The following SRGAP2C variants were observed in gnomAD, a reference collection of about 807,000 sequenced individuals.
The protein encoded by SRGAP2C is SLIT-ROBO Rho GTPase-activating protein 2C.
Under a neutral mutation model 25.1 loss-of-function variants are expected in SRGAP2C, and 15 were observed. The observed-to-expected ratio is 0.60, with a 90% CI of 0.40 to 0.92. SRGAP2C has a LOEUF of 0.92. SRGAP2C is among the 40% of genes least tolerant of loss of function. SRGAP2C has a pLI of 0.00. For missense variants in SRGAP2C, 144 were observed against 264.4 expected (o/e 0.54, Z 3.16); for synonymous variants, 44 against 96.6 (o/e 0.46, Z 3.19).
chr1:121,297,108 C>T (rs1257784400), intron 3 of SRGAP2C, among the ~76,000 whole-genome samples: 2 of 151,732 alleles, frequency 1.3e-5, no homozygotes, highest in Non-Finnish European at 2.9e-5. Context: ...GGTTGGCTTC[C>T]CTTCTCCATG....
At chr1:121,201,956 C>A (rs1285286875) in intron 2 of SRGAP2C, among the ~76,000 whole-genome samples, 2 of 152,134 alleles carry the variant, frequency 1.3e-5, no homozygotes, top group African/African-American at 4.8e-5. Flanking sequence ...AGTGTCAGAT[C>A]TCTGAGAGAT....
rs1411252668 is a variant in SRGAP2C at position 121,390,909 on chromosome 1, C to CA, written c.*3055dup. 5 of 145,846 alleles carry CA rather than the reference C, an allele frequency of 3.4e-5. No homozygotes were observed. The highest frequency in any genetic ancestry group is 2.1e-4 in the Admixed American group (3 of 14,572). 9.0% of individuals were successfully genotyped at this position (145,846 alleles called of 1,614,324 possible). A position where few individuals can be genotyped will look rare whatever the true frequency, so the allele number is the denominator to read the frequency against. Reference sequence around the variant, plus strand: ...CACAAAAATTAGCTGGGTGTGGTGGCAGGCGCCTGTAATCCCAGCTACTCA... The same window carrying CA: ...CACAAAAATTAGCTGGGTGTGGTGGCAAGGCGCCTGTAATCCCAGCTACTCA... On this transcript the variant is annotated 3_prime_UTR_variant, in exon 10 of 10. Transcript: ENST00000367123.
intron 2 of SRGAP2C, among the ~76,000 whole-genome samples, chr1:121,282,701 C>T (rs1418719511): frequency 4.8e-5 from 7 of 144,412 alleles, no homozygotes; most frequent in South Asian, 2.2e-4. Context: ...ACCACAGGCA[C>T]CTGCCACCAT....
intron 2 of SRGAP2C, among the ~76,000 whole-genome samples, chr1:121,212,138 T>A (rs1300928903): frequency 2.5e-5 from 3 of 121,486 alleles, no homozygotes; most frequent in Non-Finnish European, 5.1e-5. Context: ...TTTTTTTTTT[T>A]TTTTTTTTTT....
At chr1:121,191,608 A>T (rs1315477981) in intron 2 of SRGAP2C, among the ~76,000 whole-genome samples, 4 of 150,534 alleles carry the variant, frequency 2.7e-5, no homozygotes, top group East Asian at 2.0e-4. Context: ...CTGGGATTGG[A>T]GCAGCGAAGG....
At chr1:121,383,266 A>G (rs1659875962) in intron 8 of SRGAP2C, among the ~76,000 whole-genome samples, 1 of 144,618 alleles carries the variant, frequency 6.9e-6, no homozygotes, top group Non-Finnish European at 1.5e-5. Context: ...GTATATTCTA[A>G]AAACTACCAA....
chr1:121,329,206 G>T (rs1458297273), intron 4 of SRGAP2C, among the ~76,000 whole-genome samples: 3 of 151,316 alleles, frequency 2.0e-5, no homozygotes, highest in Non-Finnish European at 4.4e-5. Context: ...GCAAGACTTC[G>T]TCTCAGAAAA....
At chr1:121,228,903 C>G (rs1185961830) in intron 2 of SRGAP2C, among the ~76,000 whole-genome samples, 6 of 151,762 alleles carry the variant, frequency 4.0e-5, no homozygotes, top group African/African-American at 1.5e-4. Context: ...GGAGAGGGAG[C>G]CTCCATACTG....
At position 121,367,012 on chromosome 1, in the gene SRGAP2C, G is replaced by T. The variant is rs587603090; in HGVS notation, c.486+1657G>T. 4.2e-5 allele frequency among the ~76,000 whole-genome samples: 6 copies of T among 144,288 alleles called. No individual in the cohort carries two copies. In the East Asian group the frequency reaches 1.1e-3, roughly 26 times the overall value. 94.7% of individuals were successfully genotyped at this position (144,288 alleles called of 152,430 possible). A position where few individuals can be genotyped will look rare whatever the true frequency, so the allele number is the denominator to read the frequency against. ...GAAAACCTTGGAACTTATTTCTCTG[G>T]TCTGCAGAGGGCCGAGCTGCTACCT... On this transcript the variant is annotated intron_variant, in intron 5 of 9. Transcript: ENST00000367123.
intron 2 of SRGAP2C, among the ~76,000 whole-genome samples, chr1:121,198,215 A>G (rs1375491750): frequency 2.1e-5 from 3 of 139,664 alleles, no homozygotes; most frequent in African/African-American, 8.0e-5. Flanking sequence ...AACAGTTGGG[A>G]CATGTTCCTC....
intron 3 of SRGAP2C, among the ~76,000 whole-genome samples, chr1:121,310,675 A>G (rs1657962206): frequency 1.1e-5 from 1 of 87,050 alleles, no homozygotes; most frequent in Admixed American, 1.2e-4. Flanking sequence ...CATTTATTAA[A>G]TAAGGAATCC....
In SRGAP2C at chr1:121,372,096, C is replaced by T. The variant is rs201010237; in HGVS notation, c.487-1875C>T. On this transcript the variant is annotated intron_variant, in intron 5 of 9. Transcript: ENST00000367123. ...AAGAGTATTATCCTGGTAAAATTTA[C>T]GGGAAGTAGTGTTAGGTTCAGAATG... 4.8e-3 allele frequency among the ~76,000 whole-genome samples: 734 copies of T among 151,374 alleles called. 21 individuals carry two copies. The East Asian group carries it at 0.091, about 19-fold the overall frequency.
Position 121,221,720 on chromosome 1 carries a change from A to AAC in SRGAP2C, c.67+34208_67+34209insCA, listed in dbSNP as rs1335851013. On this transcript the variant is annotated intron_variant, in intron 2 of 9. Transcript: ENST00000367123. ...AGTGAGACAACGTCTCAAAAAAAAAAAAAAAAAAAAAACATTGACTGGTCT... is the reference window on the plus strand; with the variant it reads ...AGTGAGACAACGTCTCAAAAAAAAAAACAAAAAAAAAAAACATTGACTGGTCT... 8.6e-5 allele frequency among the ~76,000 whole-genome samples: 10 copies of AAC among 115,952 alleles called. 1 individual carries two copies. Among genetic ancestry groups the AAC allele is most frequent in the African/African-American group, 2.5e-4 (7 of 27,692 alleles). 76.1% of individuals were successfully genotyped at this position (115,952 alleles called of 152,430 possible).
intron 4 of SRGAP2C, among the ~76,000 whole-genome samples, chr1:121,329,839 A>G (rs1402376566): frequency 1.3e-5 from 2 of 152,350 alleles, no homozygotes; most frequent in Non-Finnish European, 2.9e-5. Context: ...GCTTAAAAAC[A>G]GTCTGACTTT....
At chr1:121,198,978 A>G (rs1486050584) in intron 2 of SRGAP2C, among the ~76,000 whole-genome samples, 2 of 152,208 alleles carry the variant, frequency 1.3e-5, no homozygotes, top group Non-Finnish European at 2.9e-5. Flanking sequence ...TAGTTTCCCT[A>G]TAAAATCCCT....
At position 121,304,982 on chromosome 1, in the gene SRGAP2C, A is replaced by G. The variant is rs1553339296; in HGVS notation, c.261-19496A>G. On this transcript the variant is annotated intron_variant, in intron 3 of 9. Coordinates refer to ENST00000367123, the MANE Select transcript of SRGAP2C (RefSeq NM_001329984.2). ...GGAGAAGTGAGAGACCCATGTATCC[A>G]TAGGTTAAGTCAGGGCTTTAGCAGA... Among the ~76,000 whole-genome samples, 7 of 152,318 alleles carry G rather than the reference A, an allele frequency of 4.6e-5. No individual in the cohort carries two copies. In the East Asian group the frequency reaches 1.4e-3, roughly 29 times the overall value.
chr1:121,215,932 G>T (rs1266097970), intron 2 of SRGAP2C, among the ~76,000 whole-genome samples: 1 of 152,180 alleles, frequency 6.6e-6, no homozygotes, highest in Non-Finnish European at 1.5e-5. Flanking sequence ...CTTAACAGCT[G>T]TTGGCCATCC....
At position 121,295,742 on chromosome 1, in the gene SRGAP2C, T is replaced by C. The variant is rs1431005140; in HGVS notation, c.260+10747T>C. On this transcript the variant is annotated intron_variant, in intron 3 of 9. Coordinates refer to ENST00000367123, the MANE Select transcript of SRGAP2C (RefSeq NM_001329984.2). ...AGAGGGGCTTTTTTGTTTTTGTTGT[T>C]GTTGTTGTTGTTGTTGTTGTTGTTT... Among the ~76,000 whole-genome samples, 298 of 150,798 alleles carry C rather than the reference T, an allele frequency of 2.0e-3. 1 individual carries two copies. Among genetic ancestry groups the C allele is most frequent in the Non-Finnish European group, 3.6e-3 (242 of 67,828 alleles).
At chr1:121,279,465 G>A (rs1391008967) in intron 2 of SRGAP2C, among the ~76,000 whole-genome samples, 1 of 149,718 alleles carries the variant, frequency 6.7e-6, no homozygotes, top group East Asian at 2.0e-4. Context: ...ATTGGCAGGT[G>A]TTGTAATTTG....
Sources: allele counts gnomAD v4.1 joint callset (sites outside exome capture counted in the v4.1 genomes callset), GRCh38; gene constraint gnomAD v4.1.1; transcripts MANE v1.5; gene names NCBI Gene and HGNC (gene_info 2026-07-23, HGNC 2026-07-21).